SRGAP3: variants seen among roughly 807,000 people sequenced by gnomAD.
SRGAP3 encodes SLIT-ROBO Rho GTPase-activating protein 3.
Under a neutral mutation model 121.1 loss-of-function variants are expected in SRGAP3, and 39 were observed. The ratio of observed to expected loss-of-function variants is 0.32; its 90% CI spans 0.25 to 0.42. The LOEUF (loss-of-function observed/expected upper bound fraction) is 0.42. Among genes scored for constraint, SRGAP3 ranks in the 10% least tolerant of loss-of-function variants. The pLI is 1.00. For missense variants in SRGAP3, 1,213 were observed against 1,470.6 expected (o/e 0.82, Z 2.86); for synonymous variants, 601 against 570.0 (o/e 1.05, Z -0.77).
At position 8,985,574 on chromosome 3, in the gene SRGAP3, G is replaced by A; in HGVS notation, c.3245C>T (p.Thr1082Met). 2 of 1,596,932 alleles carry A rather than the reference G, an allele frequency of 1.3e-6. No individual in the cohort carries two copies. The highest frequency in any genetic ancestry group is 1.7e-6 in the Non-Finnish European group (2 of 1,178,652). ...SSSGVGSPAV[T>M]PTEKMFPNSS... Reference sequence around the variant, plus strand: ...GTTGGGGAACATCTTCTCGGTGGGCGTCACGGCCGGGCTGCCCACGCCCGA... The same window carrying A: ...GTTGGGGAACATCTTCTCGGTGGGCATCACGGCCGGGCTGCCCACGCCCGA... Residue 1082 changes from threonine (T) to methionine (M), a missense_variant, in exon 22 of 22, where the codon ACG becomes ATG. Coordinates refer to ENST00000383836, the MANE Select transcript of SRGAP3 (RefSeq NM_014850.4). This position sits in a 1 kb window ranked among gnomAD's most constrained non-coding sequence, Gnocchi z 5.1.
upstream of SRGAP3, among the ~76,000 whole-genome samples, chr3:9,250,367 C>G (rs2648522): frequency 0.12 from 18,532 of 152,210 alleles, 1,299 homozygotes; most frequent in East Asian, 0.21. Context: ...ACAACTCCAG[C>G]AGTTTCCACC....
intron 2 of SRGAP3, among the ~76,000 whole-genome samples, chr3:9,115,945 T>C (rs1267570385): frequency 6.6e-6 from 1 of 152,208 alleles, no homozygotes; most frequent in African/African-American, 2.4e-5. Context: ...CTCTATTTGC[T>C]AAAAAGGAGA....
intron 1 of SRGAP3, among the ~76,000 whole-genome samples, chr3:9,342,028 C>T (rs1450301622): frequency 1.3e-5 from 2 of 152,030 alleles, no homozygotes; most frequent in Non-Finnish European, 2.9e-5. Flanking sequence ...TAACTTTTGC[C>T]GAAGTTTCAA....
rs116398505 is a variant in SRGAP3, at chr3:9,203,707, C to T, written c.67+45178G>A. The stretch of plus-strand genomic sequence containing the variant: ...ATTCAATATTGTATGCCCCTGTGCC[C>T]ACCTCAGAGCCTGGAACATGGTAAA... On this transcript the variant is annotated intron_variant, in intron 1 of 21. Transcript: ENST00000383836. Among the ~76,000 whole-genome samples the T allele has an allele frequency of 4.1e-3, 630 of 152,312 alleles. 2 individuals carry two copies. The highest frequency in any genetic ancestry group is 6.5e-3 in the African/African-American group (271 of 41,556).
intron 3 of SRGAP3, among the ~76,000 whole-genome samples, chr3:9,261,676 G>A (rs992684797): frequency 6.6e-6 from 1 of 151,620 alleles, no homozygotes; most frequent in African/African-American, 2.4e-5. Context: ...AACGAATAAA[G>A]CCCCCAAGAA....
chr3:9,231,363 A>T (rs901208033), intron 1 of SRGAP3, among the ~76,000 whole-genome samples: 1 of 152,162 alleles, frequency 6.6e-6, no homozygotes, highest in Admixed American at 6.5e-5. Context: ...ATTTGGCAGT[A>T]ATGAGGATGG....
chr3:9,095,495 G>A (rs958724151), intron 3 of SRGAP3, among the ~76,000 whole-genome samples: 8 of 152,056 alleles, frequency 5.3e-5, no homozygotes, highest in Non-Finnish European at 1.2e-4. Context: ...TCCATATGAG[G>A]AAAGTATATG....
intron 1 of SRGAP3, among the ~76,000 whole-genome samples, chr3:9,356,345 T>C (rs1460831485): frequency 2.1e-5 from 3 of 142,208 alleles, no homozygotes; most frequent in Non-Finnish European, 3.0e-5. Flanking sequence ...GTATGCACTA[T>C]CATGGCCAGC....
chr3:9,354,229 A>T (rs2030359061), intron 1 of SRGAP3, among the ~76,000 whole-genome samples: 1 of 152,186 alleles, frequency 6.6e-6, no homozygotes, highest in Non-Finnish European at 1.5e-5. Context: ...AAATGGCACT[A>T]CAAACGTGTC....
intron 14 of SRGAP3, among the ~76,000 whole-genome samples, chr3:9,022,529 G>T (rs35653265): frequency 6.6e-6 from 1 of 152,096 alleles, no homozygotes; most frequent in Non-Finnish European, 1.5e-5. Context: ...CCAGGAAGAG[G>T]GAAGACCTTA....
chr3:9,157,034 TTGTAG>T (rs1950441735), intron 1 of SRGAP3, among the ~76,000 whole-genome samples: 1 of 152,180 alleles, frequency 6.6e-6, no homozygotes, highest in Non-Finnish European at 1.5e-5. Flanking sequence ...ATGTTTCTAT[TTGTAG>T]TGGGGTATGT....
chr3:9,227,485 G>A (rs1279817948), intron 1 of SRGAP3, among the ~76,000 whole-genome samples: 1 of 152,148 alleles, frequency 6.6e-6, no homozygotes, highest in African/African-American at 2.4e-5. Flanking sequence ...GAAAGAGGAA[G>A]AAACTGAGGC....
At chr3:9,081,177 C>G (rs893258984) in intron 3 of SRGAP3, 1 of 453,788 alleles carries the variant, frequency 2.2e-6, no homozygotes, top group African/African-American at 2.0e-5. Context: ...ACAACAGATG[C>G]CCTAACCTTA....
At chr3:9,086,217 G>A (rs994895020) in intron 3 of SRGAP3, among the ~76,000 whole-genome samples, 4 of 152,002 alleles carry the variant, frequency 2.6e-5, no homozygotes, top group Admixed American at 1.3e-4. Flanking sequence ...CTGCCACAGA[G>A]TACGTGCTCA....
intron 1 of SRGAP3, among the ~76,000 whole-genome samples, chr3:9,156,923 A>C (rs1950436592): frequency 1.3e-5 from 2 of 152,202 alleles, no homozygotes; most frequent in Non-Finnish European, 1.5e-5. Context: ...ATTCCCAAAT[A>C]AGTAAAAATA....
intron 1 of SRGAP3, among the ~76,000 whole-genome samples, chr3:9,191,730 C>A (rs183021009): frequency 6.6e-6 from 1 of 152,154 alleles, no homozygotes; most frequent in Non-Finnish European, 1.5e-5. Flanking sequence ...TCACATTGAA[C>A]GATAATCCAC....
chr3:9,259,066 T>C (rs558579882), intron 3 of SRGAP3, among the ~76,000 whole-genome samples: 1 of 152,340 alleles, frequency 6.6e-6, no homozygotes, highest in South Asian at 2.1e-4. Flanking sequence ...CTCCGGGCCA[T>C]GCTTGGCCTT....
chr3:9,207,168 T>C (rs576433028), intron 1 of SRGAP3, among the ~76,000 whole-genome samples: 94 of 152,338 alleles, frequency 6.2e-4, no homozygotes, highest in African/African-American at 2.0e-3. Flanking sequence ...TTGCTTTAAG[T>C]ACCGTTGTCC....
intron 1 of SRGAP3, among the ~76,000 whole-genome samples, chr3:9,358,054 T>C (rs1427796542): frequency 6.6e-6 from 1 of 152,118 alleles, no homozygotes; most frequent in South Asian, 2.1e-4. Flanking sequence ...TTTGTATTTT[T>C]AGTAGAGACG....
Sources: allele counts gnomAD v4.1 joint callset (sites outside exome capture counted in the v4.1 genomes callset), GRCh38; gene constraint gnomAD v4.1.1; non-coding constraint Gnocchi (gnomAD v3.1); transcripts MANE v1.5; gene names NCBI Gene and HGNC (gene_info 2026-07-23, HGNC 2026-07-21).